The following PLCZ1 variants were observed in gnomAD, a reference collection of about 807,000 sequenced individuals.
PLCZ1 encodes 1-phosphatidylinositol 4,5-bisphosphate phosphodiesterase zeta-1.
In PLCZ1, 64 loss-of-function variants were observed where a neutral mutation model predicts 76.8. That is an observed-to-expected ratio of 0.83 (90% confidence interval 0.68 to 1.03). The LOEUF is 1.03. Among genes scored for constraint, PLCZ1 ranks in the 50% least tolerant of loss-of-function variants. The pLI is 0.00. For missense variants in PLCZ1, 751 were observed against 713.7 expected, an observed-to-expected ratio of 1.05 and a Z score of -0.60; for synonymous variants, 248 against 230.8, an observed-to-expected ratio of 1.07 and a Z score of -0.68.
chr12:18,647,952 G>C, the PLCZ1 span: 1 of 1,601,558 alleles, frequency 6.2e-7, no homozygotes, highest in South Asian at 1.1e-5. Context: ...GTATTTGTGG[G>C]AGCAATTAAC....
chr12:18,684,394 G>C, intron 13 of PLCZ1, 115 bp from the exon 14 acceptor site: 1 of 964,110 alleles, frequency 1.0e-6, no homozygotes. Flanking sequence ...AATATCTTGT[G>C]TTTAGAGCAC....
chr12:18,729,852 A>C (rs996374485), intron 3 of PLCZ1, among the ~76,000 whole-genome samples: 4 of 152,080 alleles, frequency 2.6e-5, no homozygotes, highest in Non-Finnish European at 5.9e-5. Context: ...TCTTTACTCA[A>C]ATTTATAATA....
At chr12:18,713,036 A>G (rs761323481) in intron 5 of PLCZ1, 50 bp from the exon 6 acceptor site, 4 of 1,602,112 alleles carry the variant, frequency 2.5e-6, no homozygotes, top group South Asian at 1.1e-5. Flanking sequence ...CATTAAAAAT[A>G]TATACCAAAG....
the PLCZ1 span, among the ~76,000 whole-genome samples, chr12:18,671,049 C>T: frequency 4.0e-5 from 6 of 151,754 alleles, no homozygotes; most frequent in African/African-American, 1.2e-4. Context: ...TGGTGGTGTG[C>T]GCCTGTAATC....
At chr12:18,705,779 T>C (rs1956522618) in intron 6 of PLCZ1, among the ~76,000 whole-genome samples, 1 of 151,790 alleles carries the variant, frequency 6.6e-6, no homozygotes, top group African/African-American at 2.4e-5. Flanking sequence ...GGCAGGAGAA[T>C]CACTTGAACC....
intron 6 of PLCZ1, among the ~76,000 whole-genome samples, chr12:18,710,089 A>C (rs1957107356): frequency 6.6e-6 from 1 of 151,136 alleles, no homozygotes; most frequent in African/African-American, 2.4e-5. Flanking sequence ...ATACAGGATT[A>C]TGTCATCTGC....
At position 18,729,468 on chromosome 12, in the gene PLCZ1, A is replaced by AT. The variant is rs545479899; in HGVS notation, c.136-5927dup. Among the ~76,000 whole-genome samples the AT allele has an allele frequency of 3.6e-3, 551 of 152,134 alleles. 4 individuals are homozygous for AT. The highest frequency in any genetic ancestry group is 0.013 in the African/African-American group (528 of 41,546). On this transcript the variant is annotated intron_variant, in intron 3 of 14. Transcript: ENST00000266505. ...TTAAAAGAAAGATAACACTTTATTC[A>AT]TTTTTTACAGTTCACAGTTTCCTAC...
the PLCZ1 span, chr12:18,648,002 T>C: frequency 2.5e-6 from 4 of 1,599,348 alleles, no homozygotes; most frequent in Admixed American, 5.1e-5. Flanking sequence ...AGAAAAATGG[T>C]ATCCATTAGG....
At chr12:18,693,847 T>A (rs60423630) in intron 12 of PLCZ1, 208,030 of 1,515,098 alleles carry the variant, frequency 0.14, 16,133 homozygotes, top group African/African-American at 0.21. Context: ...CCCTGCCTGA[T>A]GAAAAGACGA....
rs1334498268 is a variant in PLCZ1 at position 18,719,440 on chromosome 12, C to A, written c.560G>T (p.Gly187Val). 1 of 1,501,490 alleles carries A rather than the reference C, an allele frequency of 6.7e-7. No homozygotes were observed. 93.0% of individuals were successfully genotyped at this position (1,501,490 alleles called of 1,614,324 possible). Reference protein sequence around the residue: ...DQLLGPSDLWGYVSALVKGCR... With the variant: ...DQLLGPSDLWVYVSALVKGCR... ...AAAATAAAATAAATACCTTACATAT[C>A]CCCAAAGGTCACTTGGTCCCAATAA... The change falls in exon 5 of 15, where the codon GGA (glycine) becomes GTA (valine). Residue 187 changes from glycine (G) to valine (V), a missense_variant. By Grantham distance (109) the Gly-to-Val change is moderately radical (BLOSUM62 -3). Coordinates refer to ENST00000266505, the MANE Select transcript of PLCZ1 (RefSeq NM_033123.4).
chr12:18,673,692 TGTCTCTCACAAG>T, the PLCZ1 span, among the ~76,000 whole-genome samples: 4 of 152,224 alleles, frequency 2.6e-5, no homozygotes, highest in Non-Finnish European at 5.9e-5. Flanking sequence ...TCTGATTCAC[TGTCTCTCACAAG>T]GCTACAAAGG....
downstream of PLCZ1, among the ~76,000 whole-genome samples, chr12:18,682,728 A>G (rs566270662): frequency 5.9e-5 from 9 of 152,012 alleles, no homozygotes; most frequent in Non-Finnish European, 1.3e-4. Flanking sequence ...ACAGGGTACC[A>G]ACTCCAGTGC....
intron 3 of PLCZ1, among the ~76,000 whole-genome samples, chr12:18,732,786 C>G (rs1959127403): frequency 6.6e-6 from 1 of 152,138 alleles, no homozygotes; most frequent in South Asian, 2.1e-4. Context: ...CATGTTGTCA[C>G]AAATAACAAG....
At chr12:18,699,142 G>C (rs1955529930) in intron 10 of PLCZ1, among the ~76,000 whole-genome samples, 2 of 152,154 alleles carry the variant, frequency 1.3e-5, no homozygotes, top group Non-Finnish European at 2.9e-5. Context: ...GAGACAGATG[G>C]CACCTCTACA....
chr12:18,659,882 A>G, the PLCZ1 span, among the ~76,000 whole-genome samples: 12 of 152,276 alleles, frequency 7.9e-5, no homozygotes, highest in African/African-American at 2.9e-4. Context: ...GACTTACTCT[A>G]TAAGAAATGC....
the PLCZ1 span, chr12:18,648,319 G>A: frequency 4.3e-6 from 1 of 232,614 alleles, no homozygotes; most frequent in Non-Finnish European, 8.5e-6. Context: ...TTAAACATAG[G>A]TTTACATTTG....
Position 18,683,188 on chromosome 12 carries a change from G to T in PLCZ1, c.*51C>A. On this transcript the variant is annotated 3_prime_UTR_variant, in exon 15 of 15. Coordinates refer to ENST00000266505, the MANE Select transcript of PLCZ1 (RefSeq NM_033123.4). ...AAGAAAACATAAAGACATTCATTTT[G>T]GCTGTTTTATTGCGATGCATAGCTA... is the stretch of plus-strand genomic sequence containing the variant. The T allele has an allele frequency of 6.9e-7, 1 of 1,444,556 alleles. No individual in the cohort carries two copies. Among genetic ancestry groups the T allele is most frequent in the Non-Finnish European group, 9.7e-7 (1 of 1,027,696 alleles). The allele number at this position is 1,444,556 out of a possible 1,614,324, so 89.5% of individuals were successfully genotyped here.
the PLCZ1 span, among the ~76,000 whole-genome samples, chr12:18,663,369 T>C: frequency 6.6e-6 from 1 of 152,128 alleles, no homozygotes; most frequent in Non-Finnish European, 1.5e-5. Context: ...TTAGCACTTT[T>C]TCCTAAACAA....
At chr12:18,723,677 T>C (rs1032109535) in intron 3 of PLCZ1, 135 bp from the exon 4 acceptor site, 1 of 804,394 alleles carries the variant, frequency 1.2e-6, no homozygotes, top group Non-Finnish European at 2.0e-6. Flanking sequence ...TTATTGAAGA[T>C]AAAATATACA....
Sources: allele counts gnomAD v4.1 joint callset (sites outside exome capture counted in the v4.1 genomes callset), GRCh38; gene constraint gnomAD v4.1.1; transcripts MANE v1.5; gene names NCBI Gene and HGNC (gene_info 2026-07-23, HGNC 2026-07-21).